Variants in WDHD1 observed in about 807,000 individuals in gnomAD.
WDHD1 encodes the protein WD repeat and HMG-box DNA binding protein 1.
Under a neutral mutation model 135.4 loss-of-function variants are expected in WDHD1, and 111 were observed. The observed-to-expected ratio is 0.82, with a 90% confidence interval of 0.70 to 0.96. The LOEUF (loss-of-function observed/expected upper bound fraction) is 0.96, where lower values mean the gene tolerates loss of function less well. Among genes scored for constraint, WDHD1 ranks in the 40% least tolerant of loss-of-function variants. The pLI is 0.00. For missense variants in WDHD1, 1,351 were observed against 1,336.3 expected (o/e 1.01, Z -0.17); for synonymous variants, 434 against 439.0 (o/e 0.99, Z 0.14).
At chr14:54,942,357 T>C (rs1000450573) in intron 25 of WDHD1, among the ~76,000 whole-genome samples, 2 of 152,170 alleles carry the variant, frequency 1.3e-5, no homozygotes, top group African/African-American at 4.8e-5. Context: ...AAAGATCCTG[T>C]GTAGCCTTCA....
At chr14:54,952,803 C>G (rs939338906) in intron 24 of WDHD1, among the ~76,000 whole-genome samples, 1 of 151,996 alleles carries the variant, frequency 6.6e-6, no homozygotes, top group Non-Finnish European at 1.5e-5. Flanking sequence ...CAGAACAGAG[C>G]CCTCAGAAAT....
chr14:54,990,981 T>C (rs2041776534), intron 12 of WDHD1, among the ~76,000 whole-genome samples: 1 of 152,246 alleles, frequency 6.6e-6, no homozygotes, highest in Non-Finnish European at 1.5e-5. Flanking sequence ...GTTCATTTAA[T>C]GTCATTTTGG....
chr14:55,025,576 C>T (rs771920339), intron 2 of WDHD1, among the ~76,000 whole-genome samples: 1 of 152,248 alleles, frequency 6.6e-6, no homozygotes, highest in Non-Finnish European at 1.5e-5. Context: ...ATCCTCCATG[C>T]ATTTTCTCAA....
At chr14:55,002,031 A>C in intron 8 of WDHD1, 62 bp downstream of exon 8, 1 of 1,187,918 alleles carries the variant, frequency 8.4e-7, no homozygotes, top group Non-Finnish European at 1.2e-6. Context: ...AACTGTATTC[A>C]GGCAAACTAC....
chr14:54,962,174 T>C (rs1001423872), intron 21 of WDHD1, among the ~76,000 whole-genome samples: 1 of 151,402 alleles, frequency 6.6e-6, no homozygotes, highest in African/African-American at 2.4e-5. Context: ...TCCTGCATGC[T>C]TCCTCAGTGA....
At chr14:54,957,658 G>A in intron 21 of WDHD1, 23 bp from the exon 22 acceptor site, 1 of 1,593,336 alleles carries the variant, frequency 6.3e-7, no homozygotes, top group Non-Finnish European at 8.5e-7. Context: ...AGAAACCCTT[G>A]CTTAATAATG....
intron 16 of WDHD1, among the ~76,000 whole-genome samples, chr14:54,977,807 A>T (rs539464074): frequency 2.0e-4 from 30 of 152,258 alleles, no homozygotes; most frequent in African/African-American, 6.7e-4. Flanking sequence ...TGAATATAAC[A>T]GTTAAATGTT....
At chr14:55,014,606 A>G (rs531053755) in intron 2 of WDHD1, among the ~76,000 whole-genome samples, 1 of 152,334 alleles carries the variant, frequency 6.6e-6, no homozygotes, top group East Asian at 1.9e-4. Flanking sequence ...ATCTATCATA[A>G]CTTGTTTTAA....
At chr14:54,946,736 T>C (rs952795959) in intron 24 of WDHD1, among the ~76,000 whole-genome samples, 4 of 152,232 alleles carry the variant, frequency 2.6e-5, no homozygotes, top group African/African-American at 9.6e-5. Context: ...TAACTGATCA[T>C]GTTGGCCTTC....
rs1555367823 is a variant in WDHD1, at chr14:54,969,358, A to AG, written c.2064-1965_2064-1964insC. Among the ~76,000 whole-genome samples the AG allele has an allele frequency of 1.1e-4, 16 of 151,222 alleles. No homozygotes were observed. In the East Asian group the frequency reaches 1.6e-3, roughly 15 times the overall value. On this transcript the variant is annotated intron_variant, in intron 16 of 25. Transcript: ENST00000360586. The stretch of plus-strand genomic sequence containing the variant: ...TCCGTTTCAAGAAAAAAAAAAAAAA[A>AG]AGAGAGAGAGAAAGAGAAAGTCCTC...
Position 54,995,647 on chromosome 14 carries a change from GGAC to G in WDHD1, c.1106_1108del (p.Arg369del). 2 of 1,612,408 alleles carry G rather than the reference GGAC, an allele frequency of 1.2e-6. No homozygotes were observed. Among genetic ancestry groups the G allele is most frequent in the Non-Finnish European group, 1.7e-6 (2 of 1,179,328 alleles). The stretch of plus-strand genomic sequence containing the variant: ...TTCTAGGATGTGACTTCGCTGTCTA[GGAC>G]GACCTGAAGCCATCATGAGGTCTTC... On this transcript the variant is annotated inframe_deletion, in exon 11 of 26. Transcript: ENST00000360586.
chr14:54,948,196 C>G (rs1046345651), intron 24 of WDHD1, among the ~76,000 whole-genome samples: 7 of 152,094 alleles, frequency 4.6e-5, no homozygotes, highest in Admixed American at 2.0e-4. Flanking sequence ...GCTTGTCGGA[C>G]AGTGGGCGCA....
At chr14:54,987,117 C>T (rs1419755658) in intron 14 of WDHD1, 29 bp downstream of exon 14, 2 of 1,603,750 alleles carry the variant, frequency 1.2e-6, no homozygotes, top group Non-Finnish European at 1.7e-6. Flanking sequence ...CATTTTACTT[C>T]AAGTCATAAA....
intron 21 of WDHD1, 76 bp from the exon 22 acceptor site, chr14:54,957,711 G>T: frequency 8.4e-7 from 1 of 1,187,340 alleles, no homozygotes; most frequent in Non-Finnish European, 1.2e-6. Context: ...ACTAGACAGA[G>T]TATTTTAATC....
intron 7 of WDHD1, among the ~76,000 whole-genome samples, chr14:55,004,485 C>T (rs2140217909): frequency 6.6e-6 from 1 of 152,098 alleles, no homozygotes; most frequent in Non-Finnish European, 1.5e-5. Context: ...TAGAGTCTCG[C>T]TCTATCACCT....
chr14:55,015,870 T>TTTA (rs2042254255), intron 2 of WDHD1, among the ~76,000 whole-genome samples: 1 of 151,988 alleles, frequency 6.6e-6, no homozygotes, highest in Non-Finnish European at 1.5e-5. Flanking sequence ...AGCTAATCTT[T>TTTA]GTGTTTTTAG....
chr14:55,002,211 AC>A, intron 7 of WDHD1, 26 bp from the exon 8 acceptor site: 1 of 1,445,164 alleles, frequency 6.9e-7, no homozygotes, highest in Non-Finnish European at 9.5e-7. Context: ...AACAACGTAA[AC>A]AAAAGTTTAC....
intron 2 of WDHD1, 63 bp downstream of exon 2, chr14:55,026,648 T>C: frequency 6.5e-7 from 1 of 1,532,994 alleles, no homozygotes; most frequent in Non-Finnish European, 9.0e-7. Flanking sequence ...ACTGCACATA[T>C]AAAGTTTAAG....
At chr14:54,973,906 C>T (rs761787791) in intron 16 of WDHD1, among the ~76,000 whole-genome samples, 49 of 152,076 alleles carry the variant, frequency 3.2e-4, no homozygotes, top group Admixed American at 1.0e-3. Context: ...AGCACCAATT[C>T]GCATTTTTTT....
Sources: gnomAD v4.1 joint callset for allele counts (sites outside exome capture counted in the v4.1 genomes callset) on GRCh38, gnomAD v4.1.1 for gene constraint, MANE v1.5 for transcripts, NCBI Gene and HGNC (gene_info 2026-07-23, HGNC 2026-07-21) for gene names.